Variants in TENM1 observed in about 807,000 individuals in gnomAD.
TENM1 encodes the protein teneurin-1.
Under a neutral mutation model 174.8 loss-of-function variants are expected in TENM1, and 35 were observed. The ratio of observed to expected loss-of-function variants is 0.20; its 90% CI spans 0.15 to 0.27. TENM1 has a LOEUF of 0.27. Among genes scored for constraint, TENM1 ranks in the 10% least tolerant of loss-of-function variants. The pLI is 1.00. For missense variants in TENM1, 1,633 were observed against 2,130.1 expected (o/e 0.77, Z 4.59); for synonymous variants, 781 against 798.7 (o/e 0.98, Z 0.37).
intron 11 of TENM1, among the ~76,000 whole-genome samples, chrX:124,570,319 G>C (rs1465414531): frequency 1.8e-5 from 2 of 111,098 alleles, no homozygotes; most frequent in African/African-American, 6.5e-5. Context: ...CCAAAAAATA[G>C]AAAAGAGGAA....
intron 3 of TENM1, among the ~76,000 whole-genome samples, chrX:124,797,399 A>G (rs776923807): frequency 9.0e-6 from 1 of 111,562 alleles, no homozygotes; most frequent in East Asian, 2.8e-4. Flanking sequence ...CTTTTTAGTC[A>G]CTAGGTATTC....
chrX:125,055,573 T>C, the TENM1 span, among the ~76,000 whole-genome samples: 42 of 111,504 alleles, frequency 3.8e-4, 1 homozygote, highest in Non-Finnish European at 6.4e-4. Context: ...ACTTTTTGAA[T>C]GAAAGAATGG....
chrX:124,904,509 C>T (rs185326914), intron 1 of TENM1, among the ~76,000 whole-genome samples: 7 of 112,337 alleles, frequency 6.2e-5, no homozygotes, highest in Admixed American at 9.4e-5. Context: ...TAAAACAATG[C>T]CTACCAATGC....
chrX:124,788,857 T>A (rs2055107777), intron 3 of TENM1, among the ~76,000 whole-genome samples: 1 of 111,959 alleles, frequency 8.9e-6, no homozygotes, highest in African/African-American at 3.3e-5. Context: ...GGATCTACAA[T>A]TCTGGGGTAT....
At chrX:125,162,974 C>G in the TENM1 span, among the ~76,000 whole-genome samples, 2 of 111,347 alleles carry the variant, frequency 1.8e-5, no homozygotes, top group East Asian at 5.7e-4. Flanking sequence ...TGGAGTCATT[C>G]TGACCCTCTC....
intron 27 of TENM1, among the ~76,000 whole-genome samples, chrX:124,396,304 CTT>C (rs1257692658): frequency 2.8e-5 from 2 of 70,444 alleles, no homozygotes; most frequent in African/African-American, 6.3e-5. Flanking sequence ...CTCTCCCAAC[CTT>C]TTTTTTTTTT....
In TENM1 at chrX:124,481,695, G is replaced by GTA. The variant is rs761348190; in HGVS notation, c.3949+35_3949+36dup. On this transcript the variant is annotated intron_variant, in intron 22 of 31. Coordinates refer to ENST00000422452, the Ensembl canonical transcript of TENM1. ...AATAAAATCTTTAGATGACCCAAGG[G>GTA]TATATATATATATATATTTATTTAT... 897 of 260,577 alleles carry GTA rather than the reference G, an allele frequency of 3.4e-3. 1 individual carries two copies. Among genetic ancestry groups the GTA allele is most frequent in the Middle Eastern group, 0.01 (8 of 774 alleles). The allele number at this position is 260,577 out of a possible 1,213,427, so 21.5% of individuals were successfully genotyped here.
chrX:124,610,554 C>T lies in TENM1; in HGVS notation c.2077+31237G>A, dbSNP rs558759856. ...ACAATAAGTATTGTACTTCTTCCTACTACTAAGCATGTGTAATCAAATATC... is the reference window on the plus strand; with the variant it reads ...ACAATAAGTATTGTACTTCTTCCTATTACTAAGCATGTGTAATCAAATATC... On this transcript the variant is annotated intron_variant, in intron 11 of 31. Transcript: ENST00000422452. Among the ~76,000 whole-genome samples, 67 of 110,762 alleles carry T rather than the reference C, an allele frequency of 6.0e-4. No homozygotes were observed. In the South Asian group the frequency reaches 0.024, roughly 40 times the overall value.
At chrX:124,821,198 T>A (rs369569106) in intron 3 of TENM1, among the ~76,000 whole-genome samples, 1 of 112,359 alleles carries the variant, frequency 8.9e-6, no homozygotes, top group South Asian at 3.7e-4. Flanking sequence ...GAATTAGCAT[T>A]GCAATTAAGA....
chrX:124,862,188 G>A (rs1030520907), intron 3 of TENM1, among the ~76,000 whole-genome samples: 3 of 111,935 alleles, frequency 2.7e-5, no homozygotes, highest in African/African-American at 9.7e-5. Context: ...AATCAATTGT[G>A]CAAGAAATAG....
At chrX:124,670,646 C>T (rs113507547) in intron 6 of TENM1, among the ~76,000 whole-genome samples, 1 of 111,451 alleles carries the variant, frequency 9.0e-6, no homozygotes, top group Non-Finnish European at 1.9e-5. Context: ...GCATGGATTA[C>T]AGTTACCTTT....
chrX:124,550,126 C>G (rs1245560455), intron 14 of TENM1, among the ~76,000 whole-genome samples: 1 of 111,407 alleles, frequency 9.0e-6, no homozygotes, highest in Non-Finnish European at 1.9e-5. Flanking sequence ...CTAGCTTTGC[C>G]AACCAGTTTG....
intron 5 of TENM1, among the ~76,000 whole-genome samples, chrX:124,685,032 C>A (rs1394408281): frequency 1.8e-5 from 2 of 110,925 alleles, no homozygotes; most frequent in Non-Finnish European, 3.8e-5. Context: ...AGGTGAAGAG[C>A]TTCTCCTGGT....
chrX:124,411,975 C>A (rs1015870716), intron 25 of TENM1: 1 of 112,322 alleles, frequency 8.9e-6, no homozygotes, highest in Non-Finnish European at 1.9e-5. Context: ...TGGGAGCAAA[C>A]CCACCCTCTT....
chrX:124,520,829 T>C (rs1358928346), intron 17 of TENM1, 45 bp from the exon 21 acceptor site: 4 of 1,086,090 alleles, frequency 3.7e-6, no homozygotes, highest in Non-Finnish European at 4.9e-6. Context: ...CTCTTGTCAG[T>C]GGTCGCAGGT....
At chrX:124,728,979 CATA>C (rs2053503734) in intron 4 of TENM1, among the ~76,000 whole-genome samples, 1 of 112,391 alleles carries the variant, frequency 8.9e-6, no homozygotes, top group Non-Finnish European at 1.9e-5. Context: ...TAGTGCTTGG[CATA>C]TAGTAATGCT....
At chrX:124,720,569 G>A (rs746222501) in intron 4 of TENM1, among the ~76,000 whole-genome samples, 10 of 111,872 alleles carry the variant, frequency 8.9e-5, no homozygotes, top group Non-Finnish European at 1.5e-4. Context: ...ATGTTGTCAG[G>A]TTCTCCTAAG....
exon 32 of TENM1, chrX:124,379,211 T>C (rs1190537809): frequency 8.9e-6 from 1 of 112,248 alleles, no homozygotes; most frequent in Non-Finnish European, 1.9e-5. Context: ...AATAGTTATT[T>C]TCCTAGGCAG....
At chrX:124,855,123 C>T (rs946515462) in intron 3 of TENM1, among the ~76,000 whole-genome samples, 10 of 110,638 alleles carry the variant, frequency 9.0e-5, no homozygotes, top group Non-Finnish European at 1.9e-4. Flanking sequence ...TATTAGTGCC[C>T]GTGAATAAGT....
Sources: allele counts gnomAD v4.1 joint callset (sites outside exome capture counted in the v4.1 genomes callset), GRCh38; gene constraint gnomAD v4.1.1; transcripts MANE v1.5; gene names NCBI Gene and HGNC (gene_info 2026-07-23, HGNC 2026-07-21).